The following COL6A6 variants were observed in gnomAD, a reference collection of about 807,000 sequenced individuals.
COL6A6 encodes the protein collagen alpha-6(VI) chain.
A neutral mutation model predicts 208.6 loss-of-function variants in COL6A6; 183 were observed. The observed-to-expected ratio is 0.88, with a 90% CI of 0.78 to 0.99. The LOEUF (loss-of-function observed/expected upper bound fraction) is 0.99, where lower values mean the gene tolerates loss of function less well. Ranked by LOEUF, COL6A6 falls within the 50% of genes least tolerant of loss-of-function variation. COL6A6 has a pLI of 0.00. For missense variants in COL6A6, 2,816 were observed against 2,815.2 expected (o/e 1.00, Z -0.01); for synonymous variants, 973 against 1,011.8 (o/e 0.96, Z 0.73).
intron 18 of COL6A6, among the ~76,000 whole-genome samples, chr3:130,596,146 A>G (rs1461189607): frequency 6.6e-6 from 1 of 152,250 alleles, no homozygotes; most frequent in African/African-American, 2.4e-5. Flanking sequence ...GAATTTGCGC[A>G]TGAGGAAAAC....
Position 130,565,013 on chromosome 3 carries a change from G to T in COL6A6, c.681G>T (p.Met227Ile). ...IFVEACQGPS[M>I]ADVVFLLDMS... ...ACACAGCTTGCCAAGGCCCTTCTAT[G>T]GCCGATGTTGTGTTCCTATTGGATA... The change falls in exon 4 of 37, where the codon ATG (methionine) becomes ATT (isoleucine). Residue 227 changes from methionine (M) to isoleucine (I), a missense_variant. Physicochemically the swap from Met to Ile is conservative, Grantham distance 10. Transcript: ENST00000358511. 1 of 1,613,326 alleles carries T rather than the reference G, an allele frequency of 6.2e-7. No individual in the cohort carries two copies. The highest frequency in any genetic ancestry group is 1.1e-5 in the South Asian group (1 of 91,014).
At chr3:130,675,062 G>A (rs2066325113) in intron 36 of COL6A6, 140 bp from the exon 37 acceptor site, 3 of 558,548 alleles carry the variant, frequency 5.4e-6, no homozygotes, top group Non-Finnish European at 9.1e-6. Flanking sequence ...TAAGTACCCA[G>A]TTTAATTTTA....
chr3:130,622,810 T>A (rs2064772640), intron 24 of COL6A6, among the ~76,000 whole-genome samples: 1 of 151,858 alleles, frequency 6.6e-6, no homozygotes, highest in Admixed American at 6.6e-5. Context: ...TGAGCTGAGA[T>A]CGCACCACCG....
At position 130,563,519 on chromosome 3, in the gene COL6A6, A is replaced by G. The variant is rs1191506485; in HGVS notation, c.516A>G (p.Glu172=). 1 of 1,614,008 alleles carries G rather than the reference A, an allele frequency of 6.2e-7. No individual in the cohort carries two copies. The highest frequency in any genetic ancestry group is 1.7e-5 in the Admixed American group (1 of 60,026). ...TAGGGGTGCAGAAAGCTTCTGAGGA[A>G]AACCTGAAGGCCATGGCCACGTCTC... ...ISVGVQKASE[E]NLKAMATSQF... is the part of the protein sequence containing the mutation. Residue 172 remains glutamate (E), a synonymous_variant, in exon 3 of 37, where the codon GAA becomes GAG. Transcript: ENST00000358511.
chr3:130,660,108 T>C (rs2065900932), intron 34 of COL6A6, among the ~76,000 whole-genome samples: 1 of 152,222 alleles, frequency 6.6e-6, no homozygotes, highest in East Asian at 1.9e-4. Flanking sequence ...AAGTTGCACA[T>C]GTGTGACTGG....
intron 1 of COL6A6, among the ~76,000 whole-genome samples, chr3:130,527,629 T>A (rs925436171): frequency 6.6e-6 from 1 of 152,266 alleles, no homozygotes; most frequent in African/African-American, 2.4e-5. Flanking sequence ...GCCTTTCTAA[T>A]TAAATTGCTG....
intron 1 of COL6A6, among the ~76,000 whole-genome samples, chr3:130,556,171 T>TTA (rs2062763453): frequency 6.6e-6 from 1 of 152,260 alleles, no homozygotes; most frequent in Non-Finnish European, 1.5e-5. Flanking sequence ...TCACTTAAGA[T>TTA]AATGGCCTAC....
intron 1 of COL6A6, among the ~76,000 whole-genome samples, chr3:130,530,493 A>G (rs1393548829): frequency 6.6e-6 from 1 of 152,256 alleles, no homozygotes. Context: ...CTGTTAACAC[A>G]GCACTGCTCA....
Position 130,627,348 on chromosome 3 carries a change from T to G in COL6A6, c.4971T>G (p.Ser1657Arg), listed in dbSNP as rs781157719. Residue 1657 changes from serine to arginine, a missense_variant, in exon 26 of 37, where the codon AGT (serine) becomes AGG (arginine). Transcript: ENST00000358511. Reference protein sequence around the residue: ...QGNDGSPGYGSVGRKGAKGQE... With the variant: ...QGNDGSPGYGRVGRKGAKGQE... ...ATGATGGCAGTCCAGGTTATGGTAG[T>G]GTCGGACGCAAGGGAGCAAAGGTAA... is the stretch of plus-strand genomic sequence containing the variant. The G allele has an allele frequency of 6.2e-7, 1 of 1,613,684 alleles. No individual in the cohort carries two copies. The highest frequency in any genetic ancestry group is 8.5e-7 in the Non-Finnish European group (1 of 1,179,720).
intron 2 of COL6A6, among the ~76,000 whole-genome samples, chr3:130,562,481 CTA>C (rs1271411205): frequency 1.3e-5 from 2 of 152,116 alleles, no homozygotes; most frequent in Non-Finnish European, 2.9e-5. Context: ...AAAAGATTGA[CTA>C]TTCCATATTT....
rs2065954703 is a variant in COL6A6 at position 130,662,199 on chromosome 3, T to G, written c.6393T>G (p.Asp2131Glu). ...TTTGGGATGACAAGGAACTGGAGGA[T>G]CTCGCCAGCCACCCTTTGGATCACC... is the stretch of plus-strand genomic sequence containing the variant. ...GPIWDDKELE[D>E]LASHPLDHHL... Residue 2131 changes from aspartate (D) to glutamate (E), a missense_variant, in exon 35 of 37, where the codon GAT (aspartate) becomes GAG (glutamate). Asp to Glu is a conservative substitution (Grantham distance 45). Transcript: ENST00000358511. 1 of 1,613,978 alleles carries G rather than the reference T, an allele frequency of 6.2e-7. No homozygotes were observed. The highest frequency in any genetic ancestry group is 1.3e-5 in the African/African-American group (1 of 75,036).
chr3:130,530,891 A>G (rs1227038672), intron 1 of COL6A6, among the ~76,000 whole-genome samples: 1 of 152,152 alleles, frequency 6.6e-6, no homozygotes, highest in African/African-American at 2.4e-5. Flanking sequence ...AGATGGCAAC[A>G]TCAACTCCTG....
intron 25 of COL6A6, among the ~76,000 whole-genome samples, chr3:130,626,974 A>G (rs917137209): frequency 6.6e-6 from 1 of 152,172 alleles, no homozygotes; most frequent in Non-Finnish European, 1.5e-5. Context: ...ATTAAAATAG[A>G]AGTGTTATCA....
At chr3:130,527,890 C>CTTTTTTTTTTTTTTTTTTTTTTT (rs56110472) in intron 1 of COL6A6, among the ~76,000 whole-genome samples, 6 of 57,814 alleles carry the variant, frequency 1.0e-4, no homozygotes, top group East Asian at 3.6e-4. Context: ...GTTACTTTTC[C>CTTTTTTTTTTTTTTTTTTTTTTT]TTTTTTTTTT....
chr3:130,595,881 T>C (rs1560043411), intron 18 of COL6A6, among the ~76,000 whole-genome samples: 1 of 152,222 alleles, frequency 6.6e-6, no homozygotes, highest in African/African-American at 2.4e-5. Context: ...TACAGTCAAA[T>C]GGTTTTCAAA....
At chr3:130,615,298 A>T (rs888881112) in intron 23 of COL6A6, among the ~76,000 whole-genome samples, 1 of 152,094 alleles carries the variant, frequency 6.6e-6, no homozygotes, top group Non-Finnish European at 1.5e-5. Flanking sequence ...GTGGTCCAAG[A>T]CTGTGGTTGA....
chr3:130,592,513 G>A, intron 13 of COL6A6, 28 bp from the exon 14 acceptor site: 1 of 1,537,144 alleles, frequency 6.5e-7, no homozygotes, highest in Non-Finnish European at 8.8e-7. Context: ...AATAGAAAAA[G>A]CTCATTTGGA....
intron 1 of COL6A6, among the ~76,000 whole-genome samples, chr3:130,521,841 G>A (rs545524228): frequency 2.9e-4 from 44 of 152,172 alleles, no homozygotes; most frequent in Non-Finnish European, 5.4e-4. Context: ...CAACTTTTGA[G>A]GTATGAACCA....
In COL6A6 at chr3:130,565,233, C is replaced by T. The variant is rs529812677; in HGVS notation, c.901C>T (p.Pro301Ser). 1.5e-5 allele frequency: 24 copies of T among 1,614,008 alleles called. No individual in the cohort carries two copies. The South Asian group carries it at 1.6e-4, about 11-fold the overall frequency. Reference protein sequence around the residue: ...EVLQHIQNLSPRTGKAYTGAA... With the variant: ...EVLQHIQNLSSRTGKAYTGAA... ...TCTCCAGCATATACAGAACCTTTCT[C>T]CCCGAACTGGGAAGGCCTATACTGG... is the stretch of plus-strand genomic sequence containing the variant. Residue 301 changes from proline (P) to serine (S), a missense_variant, in exon 4 of 37, where the codon CCC (proline) becomes TCC (serine). Coordinates refer to ENST00000358511, the MANE Select transcript of COL6A6 (RefSeq NM_001102608.3).
Sources: gnomAD v4.1 joint callset for allele counts (sites outside exome capture counted in the v4.1 genomes callset) on GRCh38, gnomAD v4.1.1 for gene constraint, MANE v1.5 for transcripts, NCBI Gene and HGNC (gene_info 2026-07-23, HGNC 2026-07-21) for gene names.